Variants in FAM184B observed in about 807,000 individuals in gnomAD.
FAM184B encodes family with sequence similarity 184 member B.
A neutral mutation model predicts 135.9 loss-of-function variants in FAM184B; 111 were observed. The observed-to-expected ratio is 0.82, with a 90% CI of 0.70 to 0.96. The LOEUF is 0.96. Ranked by LOEUF, FAM184B falls within the 40% of genes least tolerant of loss-of-function variation. The probability of loss-of-function intolerance (pLI) is 0.00; values close to 1 mark genes in which losing one functional copy is unlikely to be tolerated. For missense variants in FAM184B, 1,375 were observed against 1,323.9 expected, an observed-to-expected ratio of 1.04 and a Z score of -0.60; for synonymous variants, 552 against 524.8, an observed-to-expected ratio of 1.05 and a Z score of -0.71.
intron 1 of FAM184B, among the ~76,000 whole-genome samples, chr4:17,756,070 A>G (rs1189825258): frequency 6.6e-6 from 1 of 152,170 alleles, no homozygotes; most frequent in Non-Finnish European, 1.5e-5. Flanking sequence ...TAAAAGCTGA[A>G]AAAAAGCCTG....
At chr4:17,748,181 C>T (rs1329728830) in intron 1 of FAM184B, among the ~76,000 whole-genome samples, 1 of 149,952 alleles carries the variant, frequency 6.7e-6, no homozygotes, top group Non-Finnish European at 1.5e-5. Context: ...ATGTCCAATA[C>T]TTAGAATGCT....
At position 17,649,164 on chromosome 4, in the gene FAM184B, G is replaced by C. The variant is rs1715541414; in HGVS notation, c.2192-1373C>G. On this transcript the variant is annotated intron_variant, in intron 11 of 17. Coordinates refer to ENST00000265018, the MANE Select transcript of FAM184B (RefSeq NM_015688.2). Reference sequence around the variant, plus strand: ...TTGTAAAATAAACAAATGATCTTTAGAGTGAAAATGGATGAGGTGATAAAA... The same window carrying C: ...TTGTAAAATAAACAAATGATCTTTACAGTGAAAATGGATGAGGTGATAAAA... Among the ~76,000 whole-genome samples, 3 of 152,304 alleles carry C rather than the reference G, an allele frequency of 2.0e-5. No homozygotes were observed. The South Asian group carries it at 6.2e-4, about 32-fold the overall frequency.
intron 7 of FAM184B, among the ~76,000 whole-genome samples, chr4:17,665,193 A>T (rs1167781056): frequency 6.6e-5 from 10 of 152,196 alleles, no homozygotes; most frequent in Admixed American, 6.5e-4. Context: ...TATCCGTTTA[A>T]GAGTTTGTAG....
At chr4:17,633,949 T>A (rs1715045010) in intron 16 of FAM184B, 61 bp from the exon 17 acceptor site, 1 of 1,289,028 alleles carries the variant, frequency 7.8e-7, no homozygotes, top group East Asian at 2.9e-5. Context: ...AAAGCATTAT[T>A]GTAAAAGCAA....
intron 1 of FAM184B, among the ~76,000 whole-genome samples, chr4:17,738,796 C>A (rs776959112): frequency 3.9e-5 from 6 of 152,086 alleles, no homozygotes; most frequent in Non-Finnish European, 5.9e-5. Context: ...TGGATTAATA[C>A]CCCAGGTGGC....
intron 5 of FAM184B, among the ~76,000 whole-genome samples, chr4:17,699,082 G>A (rs1397805995): frequency 6.6e-6 from 1 of 151,992 alleles, no homozygotes; most frequent in Non-Finnish European, 1.5e-5. Flanking sequence ...GAACAGAATG[G>A]AATTTCTAAG....
At chr4:17,733,316 A>G (rs1173308731) in intron 1 of FAM184B, among the ~76,000 whole-genome samples, 1 of 152,206 alleles carries the variant, frequency 6.6e-6, no homozygotes, top group Non-Finnish European at 1.5e-5. Context: ...TATTCAACAT[A>G]GTGTTGGAAG....
chr4:17,664,685 A>AG lies in FAM184B; in HGVS notation c.1597-27_1597-26insC, dbSNP rs1045363732. 4 of 1,514,522 alleles carry AG rather than the reference A, an allele frequency of 2.6e-6. No individual in the cohort carries two copies. In the African/African-American group the frequency reaches 4.2e-5, roughly 16 times the overall value. 93.8% of individuals were successfully genotyped at this position (1,514,522 alleles called of 1,614,324 possible). On this transcript the variant is annotated intron_variant, in intron 7 of 17. Transcript: ENST00000265018. ...CTAAGGCCAAAAAAGAAAAAGAAAA[A>AG]AAAAAAAAAGGCAAGATGAGCTTAA...
intron 17 of FAM184B, 147 bp downstream of exon 17, chr4:17,633,542 T>C (rs2108924737): frequency 1.4e-6 from 1 of 712,566 alleles, no homozygotes; most frequent in Admixed American, 3.6e-5. Flanking sequence ...GCTGAAGTTT[T>C]CAGGTAAGTG....
intron 7 of FAM184B, among the ~76,000 whole-genome samples, chr4:17,674,247 C>T (rs1716259701): frequency 6.6e-6 from 1 of 152,118 alleles, no homozygotes; most frequent in Admixed American, 6.6e-5. Flanking sequence ...CAGTTCCAGA[C>T]TACCACAATA....
chr4:17,751,806 C>G (rs1281442116), intron 1 of FAM184B, among the ~76,000 whole-genome samples: 1 of 122,516 alleles, frequency 8.2e-6, no homozygotes, highest in Non-Finnish European at 1.7e-5. Flanking sequence ...AGGGCTGATT[C>G]TGGCCCTAAA....
chr4:17,733,820 G>A (rs372672345), intron 1 of FAM184B, among the ~76,000 whole-genome samples: 57 of 152,136 alleles, frequency 3.7e-4, no homozygotes, highest in African/African-American at 9.2e-4. Flanking sequence ...CAGAATTGGA[G>A]AAAACTACTT....
chr4:17,686,318 A>G (rs1716585443), intron 7 of FAM184B, among the ~76,000 whole-genome samples: 1 of 152,224 alleles, frequency 6.6e-6, no homozygotes, highest in Non-Finnish European at 1.5e-5. Flanking sequence ...AGCCCTGTGG[A>G]TGAGGGTGCC....
intron 7 of FAM184B, among the ~76,000 whole-genome samples, chr4:17,687,189 C>T (rs571645551): frequency 4.2e-4 from 64 of 152,192 alleles, no homozygotes; most frequent in Middle Eastern, 3.4e-3. Context: ...TGAGGACACT[C>T]GTGTACACAG....
intron 7 of FAM184B, among the ~76,000 whole-genome samples, chr4:17,669,006 A>C (rs1269163278): frequency 2.0e-5 from 3 of 152,230 alleles, no homozygotes; most frequent in African/African-American, 7.2e-5. Flanking sequence ...GTAATCCCAG[A>C]TATAGTTTTT....
intron 1 of FAM184B, among the ~76,000 whole-genome samples, chr4:17,757,116 G>T (rs995140729): frequency 6.6e-6 from 1 of 152,060 alleles, no homozygotes; most frequent in East Asian, 1.9e-4. Context: ...AACCTGAATC[G>T]AATCAATCTT....
Position 17,709,568 on chromosome 4 carries a change from T to C in FAM184B, c.218A>G (p.Glu73Gly). 1.3e-6 allele frequency: 2 copies of C among 1,550,094 alleles called. No individual in the cohort carries two copies. The highest frequency in any genetic ancestry group is 1.7e-6 in the Non-Finnish European group (2 of 1,146,750). ...MEALREAHQE[E>G]LQNAVAETKA... ...GGTCTCTGCCACCGCATTCTGGAGCTCCTCCTGGTGCGCTTCCCGCAGCGC... is the reference window on the plus strand; with the variant it reads ...GGTCTCTGCCACCGCATTCTGGAGCCCCTCCTGGTGCGCTTCCCGCAGCGC... Residue 73 changes from glutamate to glycine, a missense_variant, in exon 2 of 18, where the codon GAG becomes GGG. Coordinates refer to ENST00000265018, the MANE Select transcript of FAM184B (RefSeq NM_015688.2).
At chr4:17,693,629 T>C (rs1200656235) in intron 5 of FAM184B, among the ~76,000 whole-genome samples, 1 of 152,172 alleles carries the variant, frequency 6.6e-6, no homozygotes, top group Admixed American at 6.5e-5. Flanking sequence ...GCGGGGCAAA[T>C]TGTTGTCTTT....
At chr4:17,655,429 C>CA (rs1715760202) in intron 10 of FAM184B, among the ~76,000 whole-genome samples, 1 of 152,304 alleles carries the variant, frequency 6.6e-6, no homozygotes, top group African/African-American at 2.4e-5. Flanking sequence ...CAGGGTGCAG[C>CA]ACTCAGGGCT....
Sources: gnomAD v4.1 joint callset for allele counts (sites outside exome capture counted in the v4.1 genomes callset) on GRCh38, gnomAD v4.1.1 for gene constraint, MANE v1.5 for transcripts, NCBI Gene and HGNC (gene_info 2026-07-23, HGNC 2026-07-21) for gene names.